Variants in SOX6 observed in about 807,000 individuals in gnomAD.
The protein encoded by SOX6 is SRY-box transcription factor 6.
SOX6 carries 11 observed loss-of-function variants against 97.8 expected under a neutral mutation model. The observed-to-expected ratio is 0.11, with a 90% CI of 0.07 to 0.19. The LOEUF is 0.19. Among genes scored for constraint, SOX6 ranks in the 10% least tolerant of loss-of-function variants. The probability of loss-of-function intolerance (pLI) is 1.00; values close to 1 mark genes in which losing one functional copy is unlikely to be tolerated. For synonymous variants in SOX6, 360 were observed against 371.4 expected, an observed-to-expected ratio of 0.97 and a Z score of 0.35; for missense variants, 810 against 1,039.5, an observed-to-expected ratio of 0.78 and a Z score of 3.04.
chr11:16,255,443 A>G (rs1308040087), intron 3 of SOX6, among the ~76,000 whole-genome samples: 1 of 152,156 alleles, frequency 6.6e-6, no homozygotes, highest in Admixed American at 6.6e-5. Flanking sequence ...AATCGGTAAC[A>G]GAATGATAGC....
At chr11:16,345,485 G>A (rs1187029019) in intron 1 of SOX6, among the ~76,000 whole-genome samples, 11 of 152,018 alleles carry the variant, frequency 7.2e-5, no homozygotes, top group Admixed American at 7.2e-4. Context: ...CAGTTACTGA[G>A]AATGTTCTCT....
At chr11:16,191,041 G>T (rs1200037315) in intron 4 of SOX6, among the ~76,000 whole-genome samples, 1 of 152,138 alleles carries the variant, frequency 6.6e-6, no homozygotes, top group Non-Finnish European at 1.5e-5. Flanking sequence ...AACTACAATT[G>T]TAAGAGCTGC....
chr11:16,381,325 C>T (rs1857812151), intron 1 of SOX6, among the ~76,000 whole-genome samples: 1 of 151,976 alleles, frequency 6.6e-6, no homozygotes, highest in South Asian at 2.1e-4. Context: ...ATTTTGGCTG[C>T]TAGCCTCAAG....
At chr11:16,698,356 C>A (rs1848069177) in intron 3 of SOX6, among the ~76,000 whole-genome samples, 1 of 152,190 alleles carries the variant, frequency 6.6e-6, no homozygotes, top group South Asian at 2.1e-4. Flanking sequence ...GTTTCTTCAC[C>A]TCTCTCTGCC....
At chr11:16,578,370 A>G (rs1848002634) in intron 4 of SOX6, among the ~76,000 whole-genome samples, 1 of 152,264 alleles carries the variant, frequency 6.6e-6, no homozygotes, top group South Asian at 2.1e-4. Context: ...TATTTTTTCC[A>G]TCTTTGAACT....
At chr11:16,014,850 C>A in intron 13 of SOX6, 92 bp downstream of exon 13, 1 of 1,185,624 alleles carries the variant, frequency 8.4e-7, no homozygotes, top group East Asian at 2.4e-5. Flanking sequence ...GTGATGACTC[C>A]TATGAAAAAC....
intron 9 of SOX6, among the ~76,000 whole-genome samples, chr11:16,092,700 C>T (rs1848717839): frequency 6.6e-6 from 1 of 151,778 alleles, no homozygotes; most frequent in Admixed American, 6.6e-5. Flanking sequence ...GATCACTTTG[C>T]ATATGGTACC....
At chr11:16,496,659 C>A (rs1860602882) in intron 4 of SOX6, among the ~76,000 whole-genome samples, 1 of 152,228 alleles carries the variant, frequency 6.6e-6, no homozygotes, top group African/African-American at 2.4e-5. Context: ...AAACGGCACA[C>A]CAGGAGATTG....
intron 3 of SOX6, among the ~76,000 whole-genome samples, chr11:16,634,598 A>C (rs1781934990): frequency 6.6e-6 from 1 of 152,212 alleles, no homozygotes; most frequent in African/African-American, 2.4e-5. Context: ...CTATTGATTT[A>C]GTGGGTACTG....
intron 1 of SOX6, among the ~76,000 whole-genome samples, chr11:16,368,591 C>T (rs751133993): frequency 1.3e-5 from 2 of 152,070 alleles, no homozygotes; most frequent in Non-Finnish European, 2.9e-5. Context: ...TTATCTTATG[C>T]TTATTTTTAA....
At chr11:16,128,470 T>A (rs953984043) in intron 6 of SOX6, among the ~76,000 whole-genome samples, 2 of 152,128 alleles carry the variant, frequency 1.3e-5, no homozygotes, top group Non-Finnish European at 2.9e-5. Flanking sequence ...GCCAGATAAA[T>A]GGCTTATAAT....
At chr11:16,126,703 A>G (rs754293508) in intron 6 of SOX6, among the ~76,000 whole-genome samples, 1 of 152,146 alleles carries the variant, frequency 6.6e-6, no homozygotes, top group African/African-American at 2.4e-5. Context: ...TATTTCTGCT[A>G]CACAGAACAA....
intron 4 of SOX6, among the ~76,000 whole-genome samples, chr11:16,497,699 C>G (rs1370954441): frequency 5.9e-5 from 9 of 151,810 alleles, no homozygotes; most frequent in African/African-American, 2.2e-4. Flanking sequence ...ATTTGATCAA[C>G]TGGAAGAAAG....
At chr11:16,637,996 T>C (rs573463643) in intron 3 of SOX6, among the ~76,000 whole-genome samples, 2 of 151,854 alleles carry the variant, frequency 1.3e-5, no homozygotes, top group African/African-American at 2.4e-5. Context: ...ATGTGCCATG[T>C]TGGTGTGCTG....
chr11:16,420,239 A>G (rs2133064246), intron 1 of SOX6, among the ~76,000 whole-genome samples: 1 of 152,312 alleles, frequency 6.6e-6, no homozygotes, highest in Middle Eastern at 3.4e-3. Flanking sequence ...ATGTGCTACA[A>G]TTAATAAGTT....
At chr11:16,528,741 TAAG>T (rs939133751) in intron 4 of SOX6, among the ~76,000 whole-genome samples, 4 of 151,892 alleles carry the variant, frequency 2.6e-5, no homozygotes, top group Non-Finnish European at 5.9e-5. Flanking sequence ...AACTGGAAAA[TAAG>T]AAGAGAAATT....
rs142133936 is a variant in SOX6 at position 16,159,538 on chromosome 11, GAAAAAATAAGGT to G, written c.777+24336_777+24347del. Among the ~76,000 whole-genome samples, 730 of 152,092 alleles carry G rather than the reference GAAAAAATAAGGT, an allele frequency of 4.8e-3. 6 individuals carry two copies. The highest frequency in any genetic ancestry group is 5.3e-3 in the Non-Finnish European group (358 of 67,972). On this transcript the variant is annotated intron_variant, in intron 6 of 15. Coordinates refer to ENST00000683767, the MANE Select transcript of SOX6 (RefSeq NM_001367873.1). ...GATGATGTGAACTTGTGAACTGATA[GAAAAAATAAGGT>G]AAAAAGACCTTTATGCAGTATTCTG...
intron 3 of SOX6, among the ~76,000 whole-genome samples, chr11:16,624,225 G>A (rs1477246101): frequency 8.2e-6 from 1 of 122,400 alleles, no homozygotes; most frequent in African/African-American, 3.0e-5. Flanking sequence ...GTCTTGCTCT[G>A]TTGCCAGGCT....
intron 6 of SOX6, among the ~76,000 whole-genome samples, chr11:16,139,630 T>C (rs1200966567): frequency 6.6e-6 from 1 of 152,010 alleles, no homozygotes; most frequent in Non-Finnish European, 1.5e-5. Context: ...ATTCCAGACT[T>C]ATCTTGTATT....
Sources: allele counts gnomAD v4.1 joint callset (sites outside exome capture counted in the v4.1 genomes callset), GRCh38; gene constraint gnomAD v4.1.1; transcripts MANE v1.5; gene names NCBI Gene and HGNC (gene_info 2026-07-23, HGNC 2026-07-21).